The following PTPRT variants were observed in gnomAD, a reference collection of about 807,000 sequenced individuals.
PTPRT encodes the protein receptor-type tyrosine-protein phosphatase T.
In PTPRT, 56 loss-of-function variants were observed where a neutral mutation model predicts 176.8. That is an observed-to-expected ratio of 0.32 (90% confidence interval 0.26 to 0.40). PTPRT has a LOEUF of 0.40. PTPRT is among the 10% of genes least tolerant of loss of function. PTPRT has a pLI of 1.00. For synonymous variants in PTPRT, 783 were observed against 739.0 expected, an observed-to-expected ratio of 1.06 and a Z score of -0.96; for missense variants, 1,540 against 1,908.2, an observed-to-expected ratio of 0.81 and a Z score of 3.60.
At chr20:42,131,833 T>C (rs997328174) in intron 18 of PTPRT, among the ~76,000 whole-genome samples, 1 of 152,098 alleles carries the variant, frequency 6.6e-6, no homozygotes, top group African/African-American at 2.4e-5. Context: ...GAATTAAAAA[T>C]GAGTAAGGTT....
intron 1 of PTPRT, among the ~76,000 whole-genome samples, chr20:43,163,718 C>T (rs963544389): frequency 4.6e-5 from 7 of 152,084 alleles, no homozygotes; most frequent in African/African-American, 1.4e-4. Context: ...TGGATAGTTC[C>T]GTGGCTCCTG....
chr20:42,053,144 T>C, the PTPRT span, among the ~76,000 whole-genome samples: 1 of 152,192 alleles, frequency 6.6e-6, no homozygotes, highest in South Asian at 2.1e-4. Flanking sequence ...AGAATAATTA[T>C]ATTGGCTGTA....
chr20:43,185,188 C>T (rs1048892121), intron 1 of PTPRT, among the ~76,000 whole-genome samples: 1 of 152,212 alleles, frequency 6.6e-6, no homozygotes, highest in African/African-American at 2.4e-5. Flanking sequence ...TTTGCAAATG[C>T]TATTATACTT....
At position 42,757,911 on chromosome 20, in the gene PTPRT, G is replaced by T. The variant is rs2076859105; in HGVS notation, c.685-1275C>A. Among the ~76,000 whole-genome samples the T allele has an allele frequency of 4.6e-5, 7 of 152,318 alleles. No homozygotes were observed. The South Asian group carries it at 1.5e-3, about 32-fold the overall frequency. ...TATTAACTGGATATTTATCTACTAT[G>T]TGCCAGCCCCTGAGCTGGGTATTTT... On this transcript the variant is annotated intron_variant, in intron 5 of 30. Transcript: ENST00000373187.
chr20:43,099,331 T>C (rs1276473084), intron 1 of PTPRT, among the ~76,000 whole-genome samples: 1 of 152,032 alleles, frequency 6.6e-6, no homozygotes, highest in Non-Finnish European at 1.5e-5. Context: ...AGGAATGGTG[T>C]CCCATTAGCC....
rs913234767 is a variant in PTPRT, at chr20:43,067,629, G to A, written c.88+122017C>T. On this transcript the variant is annotated intron_variant, in intron 1 of 30. Transcript: ENST00000373187. Reference sequence around the variant, plus strand: ...AATGCTTACAGGAAGGGAAGTCCTCGGATGACTGTTGGGTACCTGAGAAGA... The same window carrying A: ...AATGCTTACAGGAAGGGAAGTCCTCAGATGACTGTTGGGTACCTGAGAAGA... Among the ~76,000 whole-genome samples, 9 of 151,824 alleles carry A rather than the reference G, an allele frequency of 5.9e-5. No individual in the cohort carries two copies. In the East Asian group the frequency reaches 1.4e-3, roughly 23 times the overall value.
chr20:42,827,648 T>C (rs1275093853), intron 2 of PTPRT, among the ~76,000 whole-genome samples: 3 of 152,164 alleles, frequency 2.0e-5, no homozygotes, highest in Admixed American at 2.0e-4. Context: ...GTTCTCATAA[T>C]CCCCACATGT....
chr20:42,250,237 T>C (rs1298994477), intron 13 of PTPRT, among the ~76,000 whole-genome samples: 7 of 152,276 alleles, frequency 4.6e-5, no homozygotes, highest in Non-Finnish European at 1.0e-4. Context: ...ATCTTAGTTT[T>C]CCCATGTTAG....
At chr20:42,494,114 A>G (rs2071607929) in intron 7 of PTPRT, among the ~76,000 whole-genome samples, 1 of 152,122 alleles carries the variant, frequency 6.6e-6, no homozygotes, top group Non-Finnish European at 1.5e-5. Context: ...CAGAGTAAAG[A>G]GAGAGAAGCA....
At chr20:42,198,271 G>A (rs1303209672) in intron 16 of PTPRT, among the ~76,000 whole-genome samples, 1 of 152,232 alleles carries the variant, frequency 6.6e-6, no homozygotes, top group Non-Finnish European at 1.5e-5. Flanking sequence ...GGACTATGGT[G>A]AGGATGAGAG....
chr20:42,600,013 G>A (rs2073747857), intron 7 of PTPRT, among the ~76,000 whole-genome samples: 1 of 152,116 alleles, frequency 6.6e-6, no homozygotes, highest in Admixed American at 6.6e-5. Flanking sequence ...CCTTCCAGAT[G>A]TAACCTAACT....
chr20:42,890,506 T>G (rs2079174401), intron 1 of PTPRT, among the ~76,000 whole-genome samples: 1 of 152,014 alleles, frequency 6.6e-6, no homozygotes, highest in African/African-American at 2.4e-5. Flanking sequence ...ATCCAGAGAT[T>G]CAGAAAGAAC....
At chr20:42,952,577 C>T (rs1600588377) in intron 1 of PTPRT, among the ~76,000 whole-genome samples, 1 of 152,180 alleles carries the variant, frequency 6.6e-6, no homozygotes, top group Non-Finnish European at 1.5e-5. Context: ...GTACCTTCTT[C>T]TAGGCTTATG....
intron 1 of PTPRT, among the ~76,000 whole-genome samples, chr20:43,059,900 A>C (rs1987384787): frequency 6.6e-6 from 1 of 151,954 alleles, no homozygotes; most frequent in South Asian, 2.1e-4. Flanking sequence ...AACTGCTTGA[A>C]CCCAGGAGGG....
intron 1 of PTPRT, among the ~76,000 whole-genome samples, chr20:43,163,001 C>T (rs1254386859): frequency 6.6e-6 from 1 of 152,188 alleles, no homozygotes; most frequent in Non-Finnish European, 1.5e-5. Context: ...TCAGGTATCC[C>T]TTGCTGGTGA....
At chr20:42,081,415 G>A (rs746414) in intron 30 of PTPRT, among the ~76,000 whole-genome samples, 63,363 of 151,952 alleles carry the variant, frequency 0.42, 14,063 homozygotes, top group African/African-American at 0.58. Context: ...TGCATGGTGC[G>A]GTGGTCCACC....
At chr20:42,315,662 T>A in intron 12 of PTPRT, 61 bp downstream of exon 12, 2 of 1,560,664 alleles carry the variant, frequency 1.3e-6, no homozygotes, top group Admixed American at 1.7e-5. Context: ...TGCTGACTTA[T>A]CATTTGAGAA....
chr20:42,879,792 CTGTG>C (rs1359289506), intron 2 of PTPRT, among the ~76,000 whole-genome samples: 1 of 151,774 alleles, frequency 6.6e-6, no homozygotes, highest in Non-Finnish European at 1.5e-5. Flanking sequence ...TGTGTGTCAC[CTGTG>C]TGTGTGTTCT....
intron 5 of PTPRT, among the ~76,000 whole-genome samples, chr20:42,763,365 T>G (rs2076941774): frequency 6.6e-6 from 1 of 152,230 alleles, no homozygotes; most frequent in Admixed American, 6.5e-5. Context: ...TTTCTGGTTT[T>G]GCACAACAGA....
Sources: gnomAD v4.1 joint callset for allele counts (sites outside exome capture counted in the v4.1 genomes callset) on GRCh38, gnomAD v4.1.1 for gene constraint, MANE v1.5 for transcripts, NCBI Gene and HGNC (gene_info 2026-07-23, HGNC 2026-07-21) for gene names.